Variants in FANCA observed in about 807,000 individuals in gnomAD.
FANCA encodes the protein FA complementation group A.
Under a neutral mutation model 194.3 loss-of-function variants are expected in FANCA, and 236 were observed. The ratio of observed to expected loss-of-function variants is 1.21; its 90% CI spans 1.09 to 1.35. The LOEUF (loss-of-function observed/expected upper bound fraction) is 1.35, where lower values mean the gene tolerates loss of function less well. FANCA is among the 40% of genes most tolerant of loss of function. FANCA has a pLI of 0.00. For synonymous variants in FANCA, 1,014 were observed against 715.8 expected (o/e 1.42, Z -6.65); for missense variants, 2,628 against 1,813.9 (o/e 1.45, Z -8.15).
intron 33 of FANCA, 40 bp downstream of exon 33, chr16:89,748,619 A>G (rs145051641): frequency 1.4e-6 from 2 of 1,464,864 alleles, no homozygotes; most frequent in South Asian, 1.1e-5. Flanking sequence ...CGCCACAGGC[A>G]CTGACAGATC....
chr16:89,779,157 G>A (rs1276577473), intron 18 of FANCA, among the ~76,000 whole-genome samples, 154 bp from the exon 19 acceptor site: 1 of 152,106 alleles, frequency 6.6e-6, no homozygotes, highest in African/African-American at 2.4e-5. Context: ...CCGGGACAAG[G>A]CATGTGTAGG....
At chr16:89,775,941 G>A (rs931275571) in intron 20 of FANCA, 126 bp from the exon 21 acceptor site, 1 of 475,736 alleles carries the variant, frequency 2.1e-6, no homozygotes. Flanking sequence ...ACTGTGTACA[G>A]TATGAGCCTG....
chr16:89,814,583 G>C lies in FANCA; in HGVS notation c.220C>G (p.Leu74Val), dbSNP rs770294560. The C allele has an allele frequency of 6.8e-6, 11 of 1,613,788 alleles. No individual in the cohort carries two copies. Among genetic ancestry groups the C allele is most frequent in the Admixed American group, 3.3e-5 (2 of 59,998 alleles). The change falls in exon 3 of 43, where the codon CTC becomes GTC. Residue 74 changes from leucine (L) to valine (V), a missense_variant. Coordinates refer to ENST00000389301, the MANE Select transcript of FANCA (RefSeq NM_000135.4). ...VEGPLCKKLS[L>V]SKVIDCDSSE... ...CTGTCACAGTCAATCACTTTGCTGA[G>C]AGACAATTTTTTACACAGTGGACCT...
At chr16:89,739,641 C>T (rs1244716054) in intron 39 of FANCA, 88 bp from the exon 40 acceptor site, 7 of 1,511,782 alleles carry the variant, frequency 4.6e-6, no homozygotes, top group South Asian at 1.2e-5. Flanking sequence ...GGGACGTGTA[C>T]CCTGGGAGGC....
At chr16:89,754,620 C>T (rs146174645) in intron 30 of FANCA, among the ~76,000 whole-genome samples, 3,010 of 152,256 alleles carry the variant, frequency 0.02, 93 homozygotes, top group African/African-American at 0.068. Flanking sequence ...CCGCCCACTT[C>T]ACCCTCCCAA....
At chr16:89,759,269 G>A (rs554362312) in intron 29 of FANCA, among the ~76,000 whole-genome samples, 5 of 138,250 alleles carry the variant, frequency 3.6e-5, no homozygotes, top group Non-Finnish European at 7.7e-5. Flanking sequence ...GCAGTGAGCT[G>A]AGATCATGCC....
rs1235253861 is a variant in FANCA, at chr16:89,738,983, A to G, written c.4168-9T>C. ...AGTTCCACGGGGTTGCCCTAGAGAG[A>G]AAACAGGCAAACTCACAGGTTAGAA... On this transcript the variant is annotated splice_polypyrimidine_tract_variant and intron_variant, in intron 41 of 42. Coordinates refer to ENST00000389301, the MANE Select transcript of FANCA (RefSeq NM_000135.4). 6 of 1,614,196 alleles carry G rather than the reference A, an allele frequency of 3.7e-6. No homozygotes were observed. The highest frequency in any genetic ancestry group is 5.1e-6 in the Non-Finnish European group (6 of 1,180,038).
chr16:89,814,519 C>T lies in FANCA; in HGVS notation c.283+1G>A, dbSNP rs1232171121. The T allele has an allele frequency of 6.2e-7, 1 of 1,600,208 alleles. No homozygotes were observed. The highest frequency in any genetic ancestry group is 8.6e-7 in the Non-Finnish European group (1 of 1,167,364). The stretch of plus-strand genomic sequence containing the variant: ...ATAGAGAAAATGAAGCTATAACTTA[C>T]CTATAAATGAACTAGAATGATTAGC... On this transcript the variant is annotated splice_donor_variant, in intron 3 of 42. Coordinates refer to ENST00000389301, the MANE Select transcript of FANCA (RefSeq NM_000135.4). LOFTEE classifies it high-confidence loss of function.
At chr16:89,792,362 C>T in intron 12 of FANCA, 109 bp downstream of exon 12, 1 of 1,206,296 alleles carries the variant, frequency 8.3e-7, no homozygotes, top group South Asian at 1.2e-5. Context: ...ACCAGACATC[C>T]CTGAACCTCT....
intron 31 of FANCA, among the ~76,000 whole-genome samples, chr16:89,750,222 C>T (rs956125593): frequency 6.6e-6 from 1 of 152,194 alleles, no homozygotes; most frequent in African/African-American, 2.4e-5. Flanking sequence ...TGGCTCATGC[C>T]TGTAATCCCA....
chr16:89,790,418 AAAAT>A (rs145845651), intron 14 of FANCA, among the ~76,000 whole-genome samples: 69,992 of 148,866 alleles, frequency 0.47, 19,157 homozygotes, highest in East Asian at 0.76. Context: ...GTAAATAAAT[AAAAT>A]AAATAAATAA....
At chr16:89,791,345 C>A in intron 14 of FANCA, 58 bp downstream of exon 14, 1 of 1,596,618 alleles carries the variant, frequency 6.3e-7, no homozygotes, top group East Asian at 2.3e-5. Context: ...GCATGGTCCC[C>A]ACTCCCAGGC....
At position 89,814,658 on chromosome 16, in the gene FANCA, C is replaced by G. The variant is rs577588111; in HGVS notation, c.190-45G>C. 1.2e-5 allele frequency: 18 copies of G among 1,446,904 alleles called. No homozygotes were observed. The East Asian group carries it at 3.6e-4, about 29-fold the overall frequency. The allele number at this position is 1,446,904 out of a possible 1,614,324, so 89.6% of individuals were successfully genotyped here. A position where few individuals can be genotyped will look rare whatever the true frequency, so the allele number is the denominator to read the frequency against. On this transcript the variant is annotated intron_variant, in intron 2 of 42. Coordinates refer to ENST00000389301, the MANE Select transcript of FANCA (RefSeq NM_000135.4). Reference sequence around the variant, plus strand: ...AAACTCCATTTAAAAAATTCAAGCTCCAGGCCAGGCGTAGTGGCTCACGCC... The same window carrying G: ...AAACTCCATTTAAAAAATTCAAGCTGCAGGCCAGGCGTAGTGGCTCACGCC...
intron 3 of FANCA, among the ~76,000 whole-genome samples, chr16:89,813,781 A>AG (rs1484027622): frequency 1.5e-4 from 22 of 146,568 alleles, no homozygotes; most frequent in African/African-American, 5.4e-4. Flanking sequence ...TCCATAGGAA[A>AG]GTTTTTTTAT....
At chr16:89,783,844 A>T (rs965329607) in intron 15 of FANCA, among the ~76,000 whole-genome samples, 7 of 151,510 alleles carry the variant, frequency 4.6e-5, no homozygotes, top group Admixed American at 3.3e-4. Context: ...GCTCACTGCA[A>T]CCTCCGCCTC....
At chr16:89,775,189 C>A (rs2039459407) in intron 21 of FANCA, among the ~76,000 whole-genome samples, 1 of 152,114 alleles carries the variant, frequency 6.6e-6, no homozygotes, top group African/African-American at 2.4e-5. Flanking sequence ...GAGATAAAGC[C>A]ACACACTTCA....
Position 89,791,214 on chromosome 16 carries a change from T to C in FANCA, c.1359+189A>G, listed in dbSNP as rs1057042. ...TCGGAACATGCAGAGGAAGATCCGC[T>C]GAGGCCCCGACAGGGAGAACCCAGG... is the stretch of plus-strand genomic sequence containing the variant. On this transcript the variant is annotated intron_variant, in intron 14 of 42. Transcript: ENST00000389301. 0.4 allele frequency: 288,243 copies of C among 719,962 alleles called. 66,321 individuals carry two copies. The highest frequency in any genetic ancestry group is 0.83 in the East Asian group (30,317 of 36,744). 44.6% of individuals were successfully genotyped at this position (719,962 alleles called of 1,614,324 possible). A position where few individuals can be genotyped will look rare whatever the true frequency, so the allele number is the denominator to read the frequency against.
intron 11 of FANCA, chr16:89,792,753 T>G: frequency 9.8e-6 from 5 of 510,996 alleles, no homozygotes; most frequent in Admixed American, 2.8e-5. Context: ...AGACCGGTAG[T>G]GGCCCTGAAT....
chr16:89,805,835 A>G (rs2040620281), intron 6 of FANCA, among the ~76,000 whole-genome samples: 1 of 152,184 alleles, frequency 6.6e-6, no homozygotes, highest in African/African-American at 2.4e-5. Context: ...TATTCTAATT[A>G]AATTCATTTG....
Sources: allele counts gnomAD v4.1 joint callset (sites outside exome capture counted in the v4.1 genomes callset), GRCh38; gene constraint gnomAD v4.1.1; transcripts MANE v1.5; gene names NCBI Gene and HGNC (gene_info 2026-07-23, HGNC 2026-07-21).